The following HTR7 variants were observed in gnomAD, a reference collection of about 807,000 sequenced individuals.
HTR7 encodes the protein 5-hydroxytryptamine receptor 7.
In HTR7, 16 loss-of-function variants were observed where a neutral mutation model predicts 34.0. That is an observed-to-expected ratio of 0.47 (90% CI 0.32 to 0.71). The LOEUF (loss-of-function observed/expected upper bound fraction) is 0.71. Among genes scored for constraint, HTR7 ranks in the 30% least tolerant of loss-of-function variants. The probability of loss-of-function intolerance (pLI) is 0.04; values close to 1 mark genes in which losing one functional copy is unlikely to be tolerated. For missense variants in HTR7, 504 were observed against 625.5 expected, an observed-to-expected ratio of 0.81 and a Z score of 2.07; for synonymous variants, 265 against 260.2, an observed-to-expected ratio of 1.02 and a Z score of -0.18.
rs568600849 is a variant in HTR7, at chr10:90,856,507, G to T, written c.539+626C>A. ...AAGGTTCCCAAGGGCTATGATGAAA[G>T]GCTAGAACCAGCCATTCAGACCTGG... On this transcript the variant is annotated intron_variant, in intron 1 of 3. Coordinates refer to ENST00000336152, the MANE Select transcript of HTR7 (RefSeq NM_019859.4). Among the ~76,000 whole-genome samples the T allele has an allele frequency of 7.9e-5, 12 of 152,314 alleles. No homozygotes were observed. In the East Asian group the frequency reaches 1.3e-3, roughly 17 times the overall value.
In HTR7 at chr10:90,762,740, T is replaced by C. The variant is rs555217846; in HGVS notation, c.540-13146A>G. On this transcript the variant is annotated intron_variant, in intron 1 of 3. Transcript: ENST00000336152. ...GATATAAAGGAGCTTTTACCCGGTG[T>C]TTTCTTCTTGGAGTTTTATGGTGTC... Among the ~76,000 whole-genome samples the C allele has an allele frequency of 6.6e-5, 10 of 152,290 alleles. No individual in the cohort carries two copies. In the East Asian group the frequency reaches 1.9e-3, roughly 29 times the overall value.
intron 1 of HTR7, among the ~76,000 whole-genome samples, chr10:90,821,134 G>GCACACACACACACACA (rs3035231): frequency 1.0e-4 from 15 of 150,204 alleles, no homozygotes; most frequent in East Asian, 3.9e-4. Flanking sequence ...ACACACACAT[G>GCACACACACACACACA]CACACACACA....
intron 2 of HTR7, among the ~76,000 whole-genome samples, chr10:90,746,364 G>T (rs1844635174): frequency 6.6e-6 from 1 of 152,134 alleles, no homozygotes; most frequent in Admixed American, 6.6e-5. Flanking sequence ...TCAATAAAAT[G>T]ATTCTCAAGT....
rs534301092 is a variant in HTR7 at position 90,812,157 on chromosome 10, C to T, written c.539+44976G>A. 3.6e-4 allele frequency among the ~76,000 whole-genome samples: 55 copies of T among 152,348 alleles called. 1 individual carries two copies. Among genetic ancestry groups the T allele is most frequent in the Middle Eastern group, 3.4e-3 (1 of 294 alleles). ...TGCTACAGGGTACAGCCCATTTGAGCTCCTGTATAGACGCTCCTTTTTATT... is the reference window on the plus strand; with the variant it reads ...TGCTACAGGGTACAGCCCATTTGAGTTCCTGTATAGACGCTCCTTTTTATT... On this transcript the variant is annotated intron_variant, in intron 1 of 3. Transcript: ENST00000336152.
At chr10:90,821,428 G>C (rs543874640) in intron 1 of HTR7, among the ~76,000 whole-genome samples, 1 of 152,182 alleles carries the variant, frequency 6.6e-6, no homozygotes, top group Admixed American at 6.5e-5. Flanking sequence ...AATAAATGGA[G>C]GGAGCATTTA....
At chr10:90,823,668 G>A (rs1589467940) in intron 1 of HTR7, among the ~76,000 whole-genome samples, 1 of 152,300 alleles carries the variant, frequency 6.6e-6, no homozygotes, top group Non-Finnish European at 1.5e-5. Context: ...GGGGCCAGGA[G>A]CAGAATGATA....
At chr10:90,747,250 TG>T (rs1204424754) in intron 2 of HTR7, among the ~76,000 whole-genome samples, 1 of 152,214 alleles carries the variant, frequency 6.6e-6, no homozygotes, top group Non-Finnish European at 1.5e-5. Flanking sequence ...TCATCTATTA[TG>T]TGTCAAGCAC....
At position 90,857,467 on chromosome 10, in the gene HTR7, C is replaced by A; in HGVS notation, c.205G>T (p.Gly69Cys). The A allele has an allele frequency of 6.2e-7, 1 of 1,613,854 alleles. No individual in the cohort carries two copies. The highest frequency in any genetic ancestry group is 8.5e-7 in the Non-Finnish European group (1 of 1,180,018). Residue 69 changes from glycine to cysteine, a missense_variant, in exon 1 of 4, where the codon GGC (glycine) becomes TGC (cysteine). Gly to Cys is a radical substitution (Grantham distance 159). Coordinates refer to ENST00000336152, the MANE Select transcript of HTR7 (RefSeq NM_019859.4). This position sits in a 1 kb window ranked among gnomAD's most constrained non-coding sequence, Gnocchi z 6.5. The part of the protein sequence containing the change: ...TWDAPPDNAS[G>C]CGEQINYGRV... ...CCGTAGTTGATCTGTTCCCCACAGC[C>A]GGAGGCATTGTCCGGGGGCGCGTCC...
At chr10:90,842,761 T>C (rs1030373280) in intron 1 of HTR7, among the ~76,000 whole-genome samples, 2 of 151,640 alleles carry the variant, frequency 1.3e-5, no homozygotes, top group East Asian at 1.9e-4. Context: ...ATTTTGCCTA[T>C]GTTCTCACAC....
Position 90,755,844 on chromosome 10 carries a change from C to G in HTR7, c.540-6250G>C, listed in dbSNP as rs147253070. On this transcript the variant is annotated intron_variant, in intron 1 of 3. Coordinates refer to ENST00000336152, the MANE Select transcript of HTR7 (RefSeq NM_019859.4). ...ATCTATTAAAGCTAAATAATACACACTCTATGATCTAGCAATTCCAAGTAT... is the reference window on the plus strand; with the variant it reads ...ATCTATTAAAGCTAAATAATACACAGTCTATGATCTAGCAATTCCAAGTAT... 3.0e-3 allele frequency among the ~76,000 whole-genome samples: 455 copies of G among 152,322 alleles called. 4 individuals are homozygous for G. Among genetic ancestry groups the G allele is most frequent in the African/African-American group, 0.01 (435 of 41,572 alleles).
At chr10:90,845,529 C>T (rs189112225) in intron 1 of HTR7, among the ~76,000 whole-genome samples, 6 of 152,162 alleles carry the variant, frequency 3.9e-5, no homozygotes, top group Middle Eastern at 3.2e-3. Context: ...AGTCACTCAA[C>T]GACAGACACT....
chr10:90,846,280 A>G (rs1353710957), intron 1 of HTR7, among the ~76,000 whole-genome samples: 2 of 152,224 alleles, frequency 1.3e-5, no homozygotes, highest in Non-Finnish European at 2.9e-5. Flanking sequence ...TGCCCATCAC[A>G]TGAGGTCAGG....
At chr10:90,805,154 T>C (rs1845685123) in intron 1 of HTR7, among the ~76,000 whole-genome samples, 1 of 152,164 alleles carries the variant, frequency 6.6e-6, no homozygotes, top group African/African-American at 2.4e-5. Context: ...AGCTACAATG[T>C]TAGGGGTGGC....
chr10:90,824,288 G>T (rs1283938675), intron 1 of HTR7, among the ~76,000 whole-genome samples: 1 of 152,232 alleles, frequency 6.6e-6, no homozygotes, highest in Non-Finnish European at 1.5e-5. Context: ...GGAAAACACT[G>T]TCTTGAAGGA....
intron 1 of HTR7, among the ~76,000 whole-genome samples, chr10:90,808,717 A>G (rs1303499952): frequency 6.6e-6 from 1 of 151,468 alleles, no homozygotes; most frequent in Non-Finnish European, 1.5e-5. Context: ...TCCACCCTCC[A>G]TTCCTCCTTC....
At chr10:90,786,628 C>T (rs1038834090) in intron 1 of HTR7, among the ~76,000 whole-genome samples, 2 of 152,080 alleles carry the variant, frequency 1.3e-5, no homozygotes, top group African/African-American at 2.4e-5. Context: ...ATGAATAATA[C>T]AGGAAATCTG....
At chr10:90,801,404 G>A (rs939248128) in intron 1 of HTR7, among the ~76,000 whole-genome samples, 15 of 152,036 alleles carry the variant, frequency 9.9e-5, no homozygotes, top group Non-Finnish European at 2.1e-4. Context: ...CTCCAACCCC[G>A]GAAACACCAG....
At chr10:90,849,290 G>T (rs1331130449) in intron 1 of HTR7, among the ~76,000 whole-genome samples, 2 of 152,102 alleles carry the variant, frequency 1.3e-5, no homozygotes, top group Non-Finnish European at 2.9e-5. Flanking sequence ...AGTAATGTAT[G>T]TAAATTCCCT....
At chr10:90,840,175 T>TCACACACACACACA (rs1406405693) in intron 1 of HTR7, among the ~76,000 whole-genome samples, 6 of 122,604 alleles carry the variant, frequency 4.9e-5, no homozygotes, top group African/African-American at 1.8e-4. Flanking sequence ...TCTCTCTCTC[T>TCACACACACACACA]CTCACACACA....
Sources: gnomAD v4.1 joint callset for allele counts (sites outside exome capture counted in the v4.1 genomes callset) on GRCh38, gnomAD v4.1.1 for gene constraint, Gnocchi (gnomAD v3.1) non-coding constraint, MANE v1.5 for transcripts, NCBI Gene and HGNC (gene_info 2026-07-23, HGNC 2026-07-21) for gene names.